CSPP1: variants seen among roughly 807,000 people sequenced by gnomAD.
CSPP1 encodes the protein centrosome and spindle pole-associated protein 1.
CSPP1 carries 126 observed loss-of-function variants against 164.4 expected under a neutral mutation model. The ratio of observed to expected loss-of-function variants is 0.77; its 90% confidence interval spans 0.66 to 0.89. The LOEUF (loss-of-function observed/expected upper bound fraction) is 0.89, where lower values mean the gene tolerates loss of function less well. CSPP1 is among the 40% of genes least tolerant of loss of function. The pLI, the probability that CSPP1 is intolerant of heterozygous loss-of-function variation, is 0.00. For missense variants in CSPP1, 1,395 were observed against 1,449.8 expected (o/e 0.96, Z 0.61); for synonymous variants, 472 against 476.7 (o/e 0.99, Z 0.13).
At position 67,158,963 on chromosome 8, in the gene CSPP1, A is replaced by C. The variant is rs943628439; in HGVS notation, c.2392-28A>C. 7.1e-6 allele frequency: 11 copies of C among 1,540,326 alleles called. No homozygotes were observed. In the African/African-American group the frequency reaches 1.4e-4, roughly 20 times the overall value. On this transcript the variant is annotated intron_variant, in intron 20 of 30. Transcript: ENST00000678616. ...AATGTACTATAGAAGGAATATATGG[A>C]ATGCATATTTCTCTTTTTATTTTAA...
intron 26 of CSPP1, among the ~76,000 whole-genome samples, chr8:67,176,580 T>G (rs1442711894): frequency 6.6e-6 from 1 of 152,158 alleles, no homozygotes; most frequent in Non-Finnish European, 1.5e-5. Flanking sequence ...TCTTCAACCT[T>G]TGTACCCAGT....
chr8:67,176,408 G>C (rs965289312), intron 26 of CSPP1, among the ~76,000 whole-genome samples: 2 of 152,138 alleles, frequency 1.3e-5, no homozygotes, highest in African/African-American at 4.8e-5. Context: ...TTTAGGCCCA[G>C]ATCATAGGTC....
chr8:67,112,909 A>G (rs979780117), intron 10 of CSPP1, among the ~76,000 whole-genome samples: 1 of 152,190 alleles, frequency 6.6e-6, no homozygotes, highest in African/African-American at 2.4e-5. Context: ...GAGATATTAT[A>G]GTTTAAAATT....
At chr8:67,146,806 GCTC>G (rs1824679019) in intron 17 of CSPP1, among the ~76,000 whole-genome samples, 1 of 151,468 alleles carries the variant, frequency 6.6e-6, no homozygotes, top group East Asian at 1.9e-4. Flanking sequence ...GCACGTAAGT[GCTC>G]CTAATTTTAT....
At position 67,172,487 on chromosome 8, in the gene CSPP1, A is replaced by T; in HGVS notation, c.2900A>T (p.Gln967Leu). The change falls in exon 25 of 31, where the codon CAG becomes CTG. Residue 967 changes from glutamine (Q) to leucine (L), a missense_variant. By Grantham distance (113) the Gln-to-Leu change is moderately radical. Transcript: ENST00000678616. ...RHRLQAPVRR[Q>L]SPKGLDAATF... ...CGGTTGCAAGCTCCTGTCAGAAGAC[A>T]GTCCCCTAAGGGCTTAGACGCTGCC... 1 of 1,613,372 alleles carries T rather than the reference A, an allele frequency of 6.2e-7. No individual in the cohort carries two copies.
intron 24 of CSPP1, among the ~76,000 whole-genome samples, chr8:67,168,171 C>G (rs1056582991): frequency 1.3e-5 from 2 of 152,132 alleles, no homozygotes; most frequent in Non-Finnish European, 2.9e-5. Flanking sequence ...GTGGCGCGCG[C>G]CTATAATCGC....
chr8:67,082,758 C>T (rs1477205922), intron 3 of CSPP1, among the ~76,000 whole-genome samples: 2 of 152,036 alleles, frequency 1.3e-5, no homozygotes, highest in African/African-American at 4.8e-5. Flanking sequence ...GTTATAGAAA[C>T]CAAATACTTC....
At chr8:67,158,966 G>A (rs1013469990) in intron 20 of CSPP1, 25 bp from the exon 21 acceptor site, 1 of 1,548,616 alleles carries the variant, frequency 6.5e-7, no homozygotes, top group Admixed American at 1.9e-5. Context: ...TATATGGAAT[G>A]CATATTTCTC....
intron 8 of CSPP1, among the ~76,000 whole-genome samples, chr8:67,103,705 C>G (rs1814669206): frequency 6.6e-6 from 1 of 151,258 alleles, no homozygotes; most frequent in Admixed American, 6.6e-5. Flanking sequence ...CCTGTAATCC[C>G]TGGTAATCCC....
intron 3 of CSPP1, among the ~76,000 whole-genome samples, chr8:67,085,763 ATGTT>A (rs1156355375): frequency 2.0e-5 from 3 of 152,090 alleles, no homozygotes; most frequent in East Asian, 3.8e-4. Context: ...AGAAATAACA[ATGTT>A]TGTTGTTCTG....
In CSPP1 at chr8:67,113,807, A is replaced by T; in HGVS notation, c.1190A>T (p.Glu397Val). 3.2e-6 allele frequency: 5 copies of T among 1,542,856 alleles called. No homozygotes were observed. Among genetic ancestry groups the T allele is most frequent in the Non-Finnish European group, 4.4e-6 (5 of 1,131,674 alleles). Residue 397 changes from glutamate to valine, a missense_variant and splice_region_variant, in exon 11 of 31, where the codon GAA becomes GTA. By Grantham distance (121) the Glu-to-Val change is moderately radical (BLOSUM62 -2). Transcript: ENST00000678616. ...MAEQQRNKRR[E>V]KDLELRVAAS... ...TGTAAAACTTTAATTTTGTTTAGAG[A>T]AAAAGATTTAGAACTCAGGGTTGCA...
chr8:67,101,844 C>A (rs937554273), intron 7 of CSPP1, among the ~76,000 whole-genome samples: 1 of 151,534 alleles, frequency 6.6e-6, no homozygotes, highest in Non-Finnish European at 1.5e-5. Flanking sequence ...ACTGCTTTAA[C>A]AACCATATTT....
rs1397398563 is a variant in CSPP1 at position 67,195,805 on chromosome 8, GCA to G, written c.*215_*216del. Reference sequence around the variant, plus strand: ...TAATAGAATTGTATAGATTATTTTTGCACAGTTTTGTCATAAATTAGGGTGGT... The same window carrying G: ...TAATAGAATTGTATAGATTATTTTTGCAGTTTTGTCATAAATTAGGGTGGT... On this transcript the variant is annotated 3_prime_UTR_variant, in exon 31 of 31. Coordinates refer to ENST00000678616, the MANE Select transcript of CSPP1 (RefSeq NM_001382391.1). The G allele has an allele frequency of 1.7e-5, 9 of 514,552 alleles. No homozygotes were observed. The highest frequency in any genetic ancestry group is 3.8e-5 in the African/African-American group (2 of 52,090). 31.9% of individuals were successfully genotyped at this position (514,552 alleles called of 1,614,324 possible).
intron 21 of CSPP1, among the ~76,000 whole-genome samples, chr8:67,159,710 C>T (rs1402617732): frequency 2.0e-5 from 3 of 149,646 alleles, no homozygotes; most frequent in African/African-American, 4.9e-5. Flanking sequence ...TTAGCAGAGA[C>T]GGGGTTTCAC....
At chr8:67,138,327 A>G (rs1407302199) in intron 17 of CSPP1, among the ~76,000 whole-genome samples, 1 of 152,230 alleles carries the variant, frequency 6.6e-6, no homozygotes, top group Non-Finnish European at 1.5e-5. Context: ...ACCTACACAC[A>G]TCTTCCTGTA....
intron 7 of CSPP1, among the ~76,000 whole-genome samples, chr8:67,098,857 T>C (rs750647624): frequency 2.0e-5 from 3 of 151,600 alleles, no homozygotes; most frequent in Admixed American, 1.3e-4. Context: ...GGGTTGATAA[T>C]AGAAAACACT....
chr8:67,184,338 GAAAT>G (rs369441365), intron 28 of CSPP1, among the ~76,000 whole-genome samples: 183 of 152,230 alleles, frequency 1.2e-3, no homozygotes, highest in Middle Eastern at 6.8e-3. Flanking sequence ...TTGAAAACAG[GAAAT>G]AAATAGAGAA....
intron 15 of CSPP1, among the ~76,000 whole-genome samples, chr8:67,127,712 A>T (rs560215187): frequency 6.6e-6 from 1 of 152,314 alleles, no homozygotes; most frequent in African/African-American, 2.4e-5. Flanking sequence ...GAACATTTTC[A>T]TCCCTCCAAT....
intron 15 of CSPP1, among the ~76,000 whole-genome samples, chr8:67,126,048 T>G (rs1016319564): frequency 1.3e-5 from 2 of 152,182 alleles, no homozygotes; most frequent in Non-Finnish European, 2.9e-5. Flanking sequence ...CTCAGGCTGG[T>G]CTCCAACTCC....
Sources: allele counts gnomAD v4.1 joint callset (sites outside exome capture counted in the v4.1 genomes callset), GRCh38; gene constraint gnomAD v4.1.1; transcripts MANE v1.5; gene names NCBI Gene and HGNC (gene_info 2026-07-23, HGNC 2026-07-21).